Variants in GLDC observed in about 807,000 individuals in gnomAD.
The protein encoded by GLDC is glycine dehydrogenase (decarboxylating), mitochondrial.
In GLDC, 104 loss-of-function variants were observed where a neutral mutation model predicts 121.3. The ratio of observed to expected loss-of-function variants is 0.86; its 90% CI spans 0.73 to 1.01. GLDC has a LOEUF of 1.01. Ranked by LOEUF, GLDC falls within the 50% of genes least tolerant of loss-of-function variation. The pLI, the probability that GLDC is intolerant of heterozygous loss-of-function variation, is 0.00. For missense variants in GLDC, 1,429 were observed against 1,306.6 expected, an observed-to-expected ratio of 1.09 and a Z score of -1.44; for synonymous variants, 546 against 480.6, an observed-to-expected ratio of 1.14 and a Z score of -1.78.
chr9:6,578,721 T>C (rs1818120381), intron 15 of GLDC, among the ~76,000 whole-genome samples: 1 of 151,866 alleles, frequency 6.6e-6, no homozygotes, highest in Non-Finnish European at 1.5e-5. Flanking sequence ...TTTGGAGAGA[T>C]GAGGTCTTGC....
intron 2 of GLDC, chr9:6,622,861 C>G (rs576234982): frequency 3.8e-5 from 8 of 208,468 alleles, no homozygotes; most frequent in Non-Finnish European, 6.8e-5. Flanking sequence ...GGCCGCCCAT[C>G]GTCTGAGATG....
chr9:6,608,834 A>C (rs1818791996), intron 4 of GLDC, among the ~76,000 whole-genome samples: 1 of 152,186 alleles, frequency 6.6e-6, no homozygotes, highest in Non-Finnish European at 1.5e-5. Context: ...GATGAAAATT[A>C]GCAAAAAGCT....
Position 6,559,688 on chromosome 9 carries a change from G to A in GLDC, c.1927-1004C>T, listed in dbSNP as rs62568966. Among the ~76,000 whole-genome samples, 1,285 of 151,730 alleles carry A rather than the reference G, an allele frequency of 8.5e-3. 8 individuals are homozygous for A. Among genetic ancestry groups the A allele is most frequent in the Non-Finnish European group, 0.013 (906 of 67,932 alleles). ...AAATTAGCCAGGTGTGGTGACGCAC[G>A]CCTGTAGTCCCAGCTACTCAGGAGG... On this transcript the variant is annotated intron_variant, in intron 16 of 24. Transcript: ENST00000321612.
chr9:6,583,742 G>A (rs564384840), intron 15 of GLDC, among the ~76,000 whole-genome samples: 110 of 152,280 alleles, frequency 7.2e-4, no homozygotes, highest in African/African-American at 2.6e-3. Context: ...AAGACATTAT[G>A]CTAAGTGAAA....
chr9:6,565,455 C>G, intron 15 of GLDC, 26 bp from the exon 16 acceptor site: 4 of 1,557,272 alleles, frequency 2.6e-6, no homozygotes, highest in Non-Finnish European at 3.5e-6. Context: ...AGAAAGGGAT[C>G]ACGGTTAGGT....
intron 3 of GLDC, among the ~76,000 whole-genome samples, chr9:6,614,510 C>A (rs1224201053): frequency 6.6e-6 from 1 of 151,836 alleles, no homozygotes; most frequent in East Asian, 1.9e-4. Flanking sequence ...GTTGGGAATA[C>A]AGGCGTGAGC....
chr9:6,545,509 G>C (rs1001999579), intron 21 of GLDC, among the ~76,000 whole-genome samples: 2 of 152,198 alleles, frequency 1.3e-5, no homozygotes, highest in South Asian at 4.1e-4. Context: ...CAGTGAGTGA[G>C]TGGTGAGTGA....
chr9:6,627,363 C>T (rs1819266890), intron 2 of GLDC, among the ~76,000 whole-genome samples: 1 of 151,308 alleles, frequency 6.6e-6, no homozygotes, highest in South Asian at 2.1e-4. Flanking sequence ...CTGTAAGACC[C>T]AGAAGCATAA....
At chr9:6,619,075 A>G (rs1274615152) in intron 3 of GLDC, among the ~76,000 whole-genome samples, 6 of 144,228 alleles carry the variant, frequency 4.2e-5, no homozygotes, top group African/African-American at 1.3e-4. Context: ...CTCGAAGGGC[A>G]GAGGTTGCAG....
chr9:6,576,716 C>G (rs1438850414), intron 15 of GLDC, among the ~76,000 whole-genome samples: 1 of 152,208 alleles, frequency 6.6e-6, no homozygotes, highest in African/African-American at 2.4e-5. Context: ...ATCCGCCTGC[C>G]TCGGCCTCCC....
At chr9:6,586,031 C>T (rs781112592) in intron 15 of GLDC, among the ~76,000 whole-genome samples, 9 of 152,134 alleles carry the variant, frequency 5.9e-5, no homozygotes, top group African/African-American at 1.9e-4. Context: ...CGTGGTGGCT[C>T]ACACCTGTAA....
At chr9:6,598,664 T>C (rs1818539255) in intron 8 of GLDC, among the ~76,000 whole-genome samples, 1 of 152,204 alleles carries the variant, frequency 6.6e-6, no homozygotes, top group Non-Finnish European at 1.5e-5. Flanking sequence ...ACTGGAGTTA[T>C]GAGTAATTCT....
At chr9:6,537,898 C>A (rs1022270020) in intron 22 of GLDC, among the ~76,000 whole-genome samples, 5 of 152,200 alleles carry the variant, frequency 3.3e-5, no homozygotes, top group African/African-American at 1.2e-4. Context: ...ACTCATCCAG[C>A]CATCCGTCTT....
At chr9:6,595,801 C>T (rs1818483249) in intron 8 of GLDC, among the ~76,000 whole-genome samples, 1 of 152,128 alleles carries the variant, frequency 6.6e-6, no homozygotes, top group African/African-American at 2.4e-5. Context: ...TGGACTCCAG[C>T]CCGGTTGACA....
In GLDC at chr9:6,588,443, C is replaced by G; in HGVS notation, c.1666-1G>C. On this transcript the variant is annotated splice_acceptor_variant, in intron 13 of 24. Coordinates refer to ENST00000321612, the MANE Select transcript of GLDC (RefSeq NM_000170.3). LOFTEE classifies it high-confidence loss of function. ...TGTTCAGTTTCATGGTGCAGGATCCCTTTAAGAAGAACATCCAAAATGTAT... is the reference window on the plus strand; with the variant it reads ...TGTTCAGTTTCATGGTGCAGGATCCGTTTAAGAAGAACATCCAAAATGTAT... The G allele has an allele frequency of 6.2e-7, 1 of 1,611,324 alleles. No homozygotes were observed. Among genetic ancestry groups the G allele is most frequent in the Non-Finnish European group, 8.5e-7 (1 of 1,177,472 alleles).
At chr9:6,603,824 G>C (rs1257785283) in intron 7 of GLDC, among the ~76,000 whole-genome samples, 2 of 150,684 alleles carry the variant, frequency 1.3e-5, no homozygotes, top group Non-Finnish European at 3.0e-5. Flanking sequence ...CCACCTCCGT[G>C]GTTCAAGTGA....
intron 21 of GLDC, among the ~76,000 whole-genome samples, chr9:6,543,920 A>G (rs113279536): frequency 1.1e-3 from 153 of 144,250 alleles, no homozygotes; most frequent in African/African-American, 4.0e-3. Flanking sequence ...AAAGCAAGGT[A>G]AACGTTGGGT....
At chr9:6,544,092 T>C (rs1174119075) in intron 21 of GLDC, among the ~76,000 whole-genome samples, 3 of 152,182 alleles carry the variant, frequency 2.0e-5, no homozygotes, top group African/African-American at 7.2e-5. Context: ...TGCTGAGGAA[T>C]AAATGAACTC....
rs373864176 is a variant in GLDC, at chr9:6,597,852, C to T, written c.1156-2733G>A. 6.6e-5 allele frequency among the ~76,000 whole-genome samples: 10 copies of T among 152,022 alleles called. No homozygotes were observed. The East Asian group carries it at 1.9e-3, about 29-fold the overall frequency. ...ACAGGAGGCTGAGGCAGGAGAATGG[C>T]GTGAACCCGGGAGGCAGAGCTTCAG... On this transcript the variant is annotated intron_variant, in intron 8 of 24. Transcript: ENST00000321612.
Sources: gnomAD v4.1 joint callset for allele counts (sites outside exome capture counted in the v4.1 genomes callset) on GRCh38, gnomAD v4.1.1 for gene constraint, MANE v1.5 for transcripts, NCBI Gene and HGNC (gene_info 2026-07-23, HGNC 2026-07-21) for gene names.